Variants in OTUD7A observed in about 807,000 individuals in gnomAD.
OTUD7A encodes OTU deubiquitinase 7A.
Under a neutral mutation model 65.7 loss-of-function variants are expected in OTUD7A, and 12 were observed. That is an observed-to-expected ratio of 0.18 (90% CI 0.12 to 0.30). The LOEUF (loss-of-function observed/expected upper bound fraction) is 0.30, where lower values mean the gene tolerates loss of function less well. Ranked by LOEUF, OTUD7A falls within the 10% of genes least tolerant of loss-of-function variation. The pLI, the probability that OTUD7A is intolerant of heterozygous loss-of-function variation, is 1.00. For synonymous variants in OTUD7A, 641 were observed against 586.3 expected (o/e 1.09, Z -1.35); for missense variants, 1,148 against 1,304.8 (o/e 0.88, Z 1.85).
intron 1 of OTUD7A, among the ~76,000 whole-genome samples, chr15:31,689,755 G>C (rs1014227968): frequency 6.6e-6 from 1 of 152,170 alleles, no homozygotes; most frequent in Non-Finnish European, 1.5e-5. Context: ...AGTCTCATCC[G>C]TGTGGACTTA....
chr15:31,772,887 G>T (rs1379496353), intron 1 of OTUD7A, among the ~76,000 whole-genome samples: 1 of 152,130 alleles, frequency 6.6e-6, no homozygotes, highest in Non-Finnish European at 1.5e-5. Flanking sequence ...ATGTATTAAA[G>T]AAGTTTGTAT....
intron 1 of OTUD7A, among the ~76,000 whole-genome samples, chr15:31,753,487 T>C (rs1312402026): frequency 6.6e-6 from 1 of 151,668 alleles, no homozygotes; most frequent in African/African-American, 2.4e-5. Context: ...AAGTCCACTG[T>C]GTCATTCTTA....
chr15:31,661,239 G>C (rs1284009287), intron 1 of OTUD7A, among the ~76,000 whole-genome samples: 1 of 152,196 alleles, frequency 6.6e-6, no homozygotes, highest in African/African-American at 2.4e-5. Flanking sequence ...AGTAAGTGTA[G>C]GATCTACTGG....
chr15:31,801,896 A>G (rs1896134277), intron 1 of OTUD7A, among the ~76,000 whole-genome samples: 1 of 152,146 alleles, frequency 6.6e-6, no homozygotes, highest in Non-Finnish European at 1.5e-5. Context: ...ACCATCATTC[A>G]CACAGCATAA....
chr15:31,484,559 CCTT>C lies in OTUD7A; in HGVS notation c.1534_1536del (p.Lys512del), dbSNP rs756964120. The C allele has an allele frequency of 3.0e-5, 49 of 1,611,460 alleles. No homozygotes were observed. The highest frequency in any genetic ancestry group is 1.6e-4 in the Middle Eastern group (1 of 6,084). ...GCCACGGAGTCGGCGCGCGTCTTGTCCTTCTCCTTGCGCTGCTTCTCCTTCTCC... is the reference window on the plus strand; with the variant it reads ...GCCACGGAGTCGGCGCGCGTCTTGTCCTCCTTGCGCTGCTTCTCCTTCTCC... On this transcript the variant is annotated inframe_deletion, in exon 13 of 13. Coordinates refer to ENST00000307050, the MANE Select transcript of OTUD7A (RefSeq NM_001382637.1). The surrounding 1 kb of genome is among the most constrained non-coding windows in gnomAD (Gnocchi z 4.5).
intron 3 of OTUD7A, among the ~76,000 whole-genome samples, chr15:31,590,891 C>T (rs773749062): frequency 3.3e-5 from 5 of 152,130 alleles, no homozygotes; most frequent in East Asian, 3.8e-4. Flanking sequence ...CATACCCCCA[C>T]GAGGCTCCCT....
intron 1 of OTUD7A, among the ~76,000 whole-genome samples, chr15:31,757,128 T>C (rs1484434762): frequency 1.3e-5 from 2 of 152,084 alleles, no homozygotes; most frequent in Non-Finnish European, 2.9e-5. Context: ...TCCACTCCCA[T>C]ACCCCAGCTC....
At chr15:31,508,060 T>C (rs1382409543) in intron 8 of OTUD7A, among the ~76,000 whole-genome samples, 1 of 152,134 alleles carries the variant, frequency 6.6e-6, no homozygotes, top group East Asian at 1.9e-4. Context: ...AGAGCAAGCA[T>C]TAAAGGCAAT....
chr15:31,766,732 T>C, intron 1 of OTUD7A: 2 of 1,611,452 alleles, frequency 1.2e-6, no homozygotes, highest in Non-Finnish European at 1.7e-6. Flanking sequence ...AGAGGTTCTC[T>C]TAAAACCAGC....
intron 3 of OTUD7A, among the ~76,000 whole-genome samples, chr15:31,624,184 T>C (rs374161270): frequency 6.6e-6 from 1 of 152,236 alleles, no homozygotes; most frequent in Non-Finnish European, 1.5e-5. Context: ...TAGTTTTATA[T>C]ACCTGCACCA....
At chr15:31,529,520 A>C (rs922031968) in intron 6 of OTUD7A, among the ~76,000 whole-genome samples, 3 of 152,146 alleles carry the variant, frequency 2.0e-5, no homozygotes, top group East Asian at 1.9e-4. Context: ...ACCATGGTGA[A>C]TGTGGAGTAC....
At chr15:31,505,789 G>C (rs978464519) in intron 8 of OTUD7A, among the ~76,000 whole-genome samples, 1 of 149,840 alleles carries the variant, frequency 6.7e-6, no homozygotes, top group South Asian at 2.1e-4. Context: ...TCACTCTGTC[G>C]CCCAGGCTGG....
At chr15:31,719,931 C>T (rs1379347092) in intron 1 of OTUD7A, among the ~76,000 whole-genome samples, 2 of 152,140 alleles carry the variant, frequency 1.3e-5, no homozygotes, top group African/African-American at 2.4e-5. Flanking sequence ...CCATCCTCCC[C>T]GTCTGGGGAT....
intron 10 of OTUD7A, among the ~76,000 whole-genome samples, chr15:31,501,257 G>T (rs2041461067): frequency 6.6e-6 from 1 of 152,196 alleles, no homozygotes; most frequent in Non-Finnish European, 1.5e-5. Context: ...GTGCAAAAAC[G>T]GCCACAGATG....
intron 1 of OTUD7A, among the ~76,000 whole-genome samples, chr15:31,681,762 C>T (rs187559718): frequency 1.7e-4 from 25 of 149,336 alleles, no homozygotes; most frequent in African/African-American, 6.1e-4. Flanking sequence ...AGTTTACTTC[C>T]CCCTTTTCAG....
intron 3 of OTUD7A, among the ~76,000 whole-genome samples, chr15:31,607,141 TA>T (rs1238641440): frequency 7.9e-5 from 12 of 152,234 alleles, no homozygotes; most frequent in African/African-American, 2.9e-4. Context: ...ACAAGAGAGA[TA>T]AACTAGCATT....
chr15:31,580,129 T>C (rs1889328308), intron 3 of OTUD7A, among the ~76,000 whole-genome samples: 1 of 152,082 alleles, frequency 6.6e-6, no homozygotes, highest in Non-Finnish European at 1.5e-5. Context: ...GGGAGAGGGG[T>C]GTTACTGGAC....
chr15:31,746,957 C>G (rs976268119), intron 1 of OTUD7A, among the ~76,000 whole-genome samples: 1 of 152,084 alleles, frequency 6.6e-6, no homozygotes, highest in Non-Finnish European at 1.5e-5. Flanking sequence ...TTGGTAGATG[C>G]GTTTGTCAGA....
intron 3 of OTUD7A, among the ~76,000 whole-genome samples, chr15:31,590,828 C>A (rs1490101119): frequency 6.6e-6 from 1 of 152,200 alleles, no homozygotes; most frequent in African/African-American, 2.4e-5. Flanking sequence ...AGGAAGTGCT[C>A]CATGCTGTGC....
Sources: gnomAD v4.1 joint callset for allele counts (sites outside exome capture counted in the v4.1 genomes callset) on GRCh38, gnomAD v4.1.1 for gene constraint, Gnocchi (gnomAD v3.1) non-coding constraint, MANE v1.5 for transcripts, NCBI Gene and HGNC (gene_info 2026-07-23, HGNC 2026-07-21) for gene names.